The following RSF1 variants were observed in gnomAD, a reference collection of about 807,000 sequenced individuals.
RSF1 encodes the protein remodeling and spacing factor 1, also known as HBV pX-associated protein 8.
RSF1 carries 13 observed loss-of-function variants against 145.2 expected under a neutral mutation model. That is an observed-to-expected ratio of 0.09 (90% CI 0.06 to 0.14). RSF1 has a LOEUF of 0.14. Among genes scored for constraint, RSF1 ranks in the 10% least tolerant of loss-of-function variants. The pLI is 1.00. For synonymous variants in RSF1, 577 were observed against 592.6 expected (o/e 0.97, Z 0.38); for missense variants, 1,517 against 1,718.2 (o/e 0.88, Z 2.07).
At chr11:77,830,194 G>C in the RSF1 span, 26 of 152,218 alleles carry the variant, frequency 1.7e-4, no homozygotes, top group Admixed American at 1.7e-3. Context: ...CATCCAGTAA[G>C]AGATTCATCT....
the RSF1 span, among the ~76,000 whole-genome samples, chr11:77,858,302 CTTT>C: frequency 1.7e-4 from 12 of 69,346 alleles, no homozygotes; most frequent in East Asian, 4.9e-4. Flanking sequence ...TTAAGCAATT[CTTT>C]TTTTTTTTTT....
At chr11:77,865,131 T>G in the RSF1 span, among the ~76,000 whole-genome samples, 4 of 152,334 alleles carry the variant, frequency 2.6e-5, no homozygotes, top group East Asian at 7.7e-4. Flanking sequence ...CTAATGTGGT[T>G]GAGTCCCCAA....
At chr11:77,688,152 C>T (rs933195540) in intron 9 of RSF1, among the ~76,000 whole-genome samples, 2 of 152,006 alleles carry the variant, frequency 1.3e-5, no homozygotes, top group Non-Finnish European at 2.9e-5. Flanking sequence ...ATTAGCTGGG[C>T]ATTGTGGCGC....
chr11:77,766,700 C>T (rs1201560504), intron 1 of RSF1, among the ~76,000 whole-genome samples: 1 of 152,144 alleles, frequency 6.6e-6, no homozygotes, highest in Admixed American at 6.5e-5. Flanking sequence ...TAATTACAGC[C>T]TAATGAGGCC....
chr11:77,683,152 G>A (rs1188519200), intron 11 of RSF1, among the ~76,000 whole-genome samples: 2 of 152,056 alleles, frequency 1.3e-5, no homozygotes, highest in East Asian at 1.9e-4. Flanking sequence ...TTAGCTGGGC[G>A]TGGTGGCGGG....
chr11:77,860,165 G>C, the RSF1 span, among the ~76,000 whole-genome samples: 191 of 152,356 alleles, frequency 1.3e-3, 3 homozygotes, highest in South Asian at 9.9e-3. Flanking sequence ...CCGTTGGCAA[G>C]CTTAACACTG....
intron 5 of RSF1, among the ~76,000 whole-genome samples, chr11:77,708,466 CT>C (rs1960604641): frequency 6.6e-6 from 1 of 152,234 alleles, no homozygotes; most frequent in Admixed American, 6.5e-5. Flanking sequence ...CCAGTGATGT[CT>C]ATTTTAAGCT....
At chr11:77,776,919 T>C (rs189803189) in intron 1 of RSF1, among the ~76,000 whole-genome samples, 2 of 152,198 alleles carry the variant, frequency 1.3e-5, no homozygotes, top group African/African-American at 2.4e-5. Flanking sequence ...CAATCCTATA[T>C]AGATTATTAA....
intron 15 of RSF1, among the ~76,000 whole-genome samples, chr11:77,668,356 A>C (rs1000115831): frequency 6.6e-6 from 1 of 152,258 alleles, no homozygotes; most frequent in Admixed American, 6.5e-5. Flanking sequence ...AAATGAAGAT[A>C]GGTTAGTTCA....
intron 1 of RSF1, among the ~76,000 whole-genome samples, chr11:77,801,321 G>A (rs529070547): frequency 1.3e-3 from 195 of 152,206 alleles, no homozygotes; most frequent in African/African-American, 4.5e-3. Context: ...CCAGCTACTC[G>A]GGAGTTTGAG....
chr11:77,858,194 AT>A, the RSF1 span, among the ~76,000 whole-genome samples: 55,101 of 130,534 alleles, frequency 0.42, 11,028 homozygotes, highest in East Asian at 0.62. Flanking sequence ...AATATATATA[AT>A]TTTTTTTTTT....
At chr11:77,816,281 A>C (rs893091774) in intron 1 of RSF1, among the ~76,000 whole-genome samples, 3 of 152,220 alleles carry the variant, frequency 2.0e-5, no homozygotes, top group Admixed American at 1.3e-4. Context: ...TCTTTTGTTT[A>C]AATCAACACA....
chr11:77,803,034 A>C (rs1252990227), intron 1 of RSF1, among the ~76,000 whole-genome samples: 3 of 152,060 alleles, frequency 2.0e-5, no homozygotes, highest in African/African-American at 7.2e-5. Context: ...ACTATGAACA[A>C]ATGGGACGGG....
At chr11:77,756,618 A>C (rs1948119040) in intron 2 of RSF1, among the ~76,000 whole-genome samples, 1 of 152,214 alleles carries the variant, frequency 6.6e-6, no homozygotes, top group African/African-American at 2.4e-5. Context: ...CTAGTAAGAA[A>C]ATATCAAGAG....
At chr11:77,798,581 TAAAAAAAAAAAAAAAAAAAAAAAAAAAA>T (rs543236647) in intron 1 of RSF1, among the ~76,000 whole-genome samples, 16 of 24,496 alleles carry the variant, frequency 6.5e-4, no homozygotes, top group East Asian at 2.7e-3. Context: ...GACTCCATCT[TAAAAAAAAAAAAAAAAAAAAAAAAAAAA>T]AAAAAAAAAA....
chr11:77,682,413 TC>T (rs1216686370), intron 11 of RSF1, among the ~76,000 whole-genome samples: 3 of 152,174 alleles, frequency 2.0e-5, no homozygotes, highest in African/African-American at 7.2e-5. Context: ...CAAAAAATGA[TC>T]TAAAATAACT....
At chr11:77,802,286 G>C (rs1176253927) in intron 1 of RSF1, among the ~76,000 whole-genome samples, 2 of 152,142 alleles carry the variant, frequency 1.3e-5, no homozygotes, top group Non-Finnish European at 2.9e-5. Flanking sequence ...CAGAAGTGTG[G>C]GGACCCTTGG....
At chr11:77,775,065 G>A (rs1948328375) in intron 1 of RSF1, among the ~76,000 whole-genome samples, 1 of 151,580 alleles carries the variant, frequency 6.6e-6, no homozygotes, top group Non-Finnish European at 1.5e-5. Context: ...GCGCCCGGCC[G>A]TGAAACCCTG....
At chr11:77,752,799 T>A (rs998623849) in intron 2 of RSF1, among the ~76,000 whole-genome samples, 1 of 152,078 alleles carries the variant, frequency 6.6e-6, no homozygotes, top group African/African-American at 2.4e-5. Context: ...TAAAGCATTC[T>A]AAGTCACAGG....
Sources: allele counts gnomAD v4.1 joint callset (sites outside exome capture counted in the v4.1 genomes callset), GRCh38; gene constraint gnomAD v4.1.1; transcripts MANE v1.5; gene names NCBI Gene and HGNC (gene_info 2026-07-23, HGNC 2026-07-21).